Variants in ADAMTSL1 observed in about 807,000 individuals in gnomAD.
ADAMTSL1 encodes ADAMTS-like protein 1.
A neutral mutation model predicts 201.8 loss-of-function variants in ADAMTSL1; 126 were observed. The ratio of observed to expected loss-of-function variants is 0.62; its 90% CI spans 0.54 to 0.72. The LOEUF (loss-of-function observed/expected upper bound fraction) is 0.72. Among genes scored for constraint, ADAMTSL1 ranks in the 30% least tolerant of loss-of-function variants. ADAMTSL1 has a pLI of 0.00. For synonymous variants in ADAMTSL1, 1,121 were observed against 903.4 expected (o/e 1.24, Z -4.32); for missense variants, 2,679 against 2,277.8 (o/e 1.18, Z -3.59).
intron 2 of ADAMTSL1, among the ~76,000 whole-genome samples, chr9:18,325,383 T>C (rs1440752535): frequency 6.6e-6 from 1 of 152,256 alleles, no homozygotes; most frequent in Admixed American, 6.5e-5. Flanking sequence ...TGTGATGTAT[T>C]CATACCACAC....
At chr9:18,733,426 G>A (rs1818324431) in intron 15 of ADAMTSL1, among the ~76,000 whole-genome samples, 1 of 152,132 alleles carries the variant, frequency 6.6e-6, no homozygotes, top group African/African-American at 2.4e-5. Context: ...GTCTAATAGA[G>A]CTAAAGTGAA....
intron 7 of ADAMTSL1, among the ~76,000 whole-genome samples, chr9:18,646,724 A>T (rs1325133893): frequency 1.3e-5 from 2 of 152,190 alleles, no homozygotes; most frequent in Non-Finnish European, 2.9e-5. Flanking sequence ...CCAGCCTTGC[A>T]TCCCAAGGAT....
At chr9:17,987,547 GTGTT>G (rs1260923515) in intron 1 of ADAMTSL1, among the ~76,000 whole-genome samples, 7 of 151,824 alleles carry the variant, frequency 4.6e-5, no homozygotes, top group African/African-American at 1.7e-4. Flanking sequence ...TAGTCTTAGT[GTGTT>G]TGTAATAGTT....
chr9:18,184,340 G>C (rs1334740915), intron 2 of ADAMTSL1, among the ~76,000 whole-genome samples: 1 of 152,144 alleles, frequency 6.6e-6, no homozygotes, highest in East Asian at 1.9e-4. Context: ...GTTCCAGACT[G>C]GTGGCTGCAG....
chr9:18,675,895 A>G lies in ADAMTSL1; in HGVS notation c.1124A>G (p.His375Arg), dbSNP rs1224869085. 3.7e-6 allele frequency: 6 copies of G among 1,613,184 alleles called. No individual in the cohort carries two copies. Among genetic ancestry groups the G allele is most frequent in the African/African-American group, 1.3e-5 (1 of 75,006 alleles). ...CAGATCATGCCTTATGACCTCTACC[A>G]TCCCCTTCCTCGGTACGTAAATCAA... ...YKQIMPYDLYHPLPRWEATPW... is the reference protein window; with the variant it reads ...YKQIMPYDLYRPLPRWEATPW... Residue 375 changes from histidine to arginine, a missense_variant, in exon 10 of 29, where the codon CAT (histidine) becomes CGT (arginine). Transcript: ENST00000380548.
At chr9:18,003,762 C>T (rs1051505286) in intron 1 of ADAMTSL1, among the ~76,000 whole-genome samples, 2 of 152,034 alleles carry the variant, frequency 1.3e-5, no homozygotes, top group Non-Finnish European at 2.9e-5. Flanking sequence ...TTCTTCATAG[C>T]AGGATTAGGA....
intron 5 of ADAMTSL1, among the ~76,000 whole-genome samples, chr9:18,623,921 T>C (rs1011374131): frequency 6.6e-6 from 1 of 152,172 alleles, no homozygotes; most frequent in Non-Finnish European, 1.5e-5. Flanking sequence ...AGGAAAACAA[T>C]TGACATATGG....
At chr9:18,699,235 C>T (rs995543101) in intron 13 of ADAMTSL1, among the ~76,000 whole-genome samples, 5 of 151,864 alleles carry the variant, frequency 3.3e-5, no homozygotes, top group African/African-American at 4.8e-5. Context: ...CCCAAAAGAG[C>T]GTCATTGTCA....
intron 1 of ADAMTSL1, among the ~76,000 whole-genome samples, chr9:18,018,596 G>C (rs576650008): frequency 1.3e-5 from 2 of 151,984 alleles, no homozygotes; most frequent in African/African-American, 4.8e-5. Context: ...AGAGATGCCC[G>C]TGTATTAAGA....
At chr9:17,975,452 G>C (rs1283453977) in intron 1 of ADAMTSL1, among the ~76,000 whole-genome samples, 1 of 151,974 alleles carries the variant, frequency 6.6e-6, no homozygotes, top group Non-Finnish European at 1.5e-5. Context: ...TCGCGTAGTA[G>C]CAAGGTAAAG....
chr9:18,614,628 A>G (rs1300821433), intron 4 of ADAMTSL1, among the ~76,000 whole-genome samples: 1 of 151,928 alleles, frequency 6.6e-6, no homozygotes, highest in African/African-American at 2.4e-5. Context: ...AGTTATACTG[A>G]TCTTACTCCC....
intron 2 of ADAMTSL1, among the ~76,000 whole-genome samples, chr9:18,187,513 C>T (rs78010249): frequency 0.013 from 2,039 of 151,822 alleles, 66 homozygotes; most frequent in African/African-American, 0.047. Context: ...ATAATGTGGT[C>T]CCTGTTTTGG....
chr9:18,901,148 T>TA (rs1554661484), intron 26 of ADAMTSL1, among the ~76,000 whole-genome samples: 18,901 of 143,172 alleles, frequency 0.13, 1,301 homozygotes, highest in Middle Eastern at 0.23. Context: ...TTTCTTTATT[T>TA]AAAAAAAAAA....
intron 1 of ADAMTSL1, among the ~76,000 whole-genome samples, chr9:17,923,637 C>T (rs1367924387): frequency 3.7e-5 from 4 of 107,970 alleles, no homozygotes; most frequent in Non-Finnish European, 7.4e-5. Flanking sequence ...GCCTAATTGC[C>T]CTGGCCAGAA....
intron 23 of ADAMTSL1, among the ~76,000 whole-genome samples, chr9:18,837,337 C>A (rs1376239648): frequency 2.0e-5 from 3 of 152,236 alleles, no homozygotes; most frequent in Admixed American, 2.0e-4. Context: ...TTATCCACTA[C>A]AATTTGCTGA....
chr9:18,301,243 C>A (rs944924010), intron 2 of ADAMTSL1, among the ~76,000 whole-genome samples: 1 of 152,054 alleles, frequency 6.6e-6, no homozygotes, highest in Non-Finnish European at 1.5e-5. Flanking sequence ...GGTATAAAAA[C>A]AATGCGTCTT....
chr9:18,654,788 G>A (rs1828518222), intron 7 of ADAMTSL1, among the ~76,000 whole-genome samples: 3 of 152,196 alleles, frequency 2.0e-5, no homozygotes, highest in Admixed American at 2.0e-4. Flanking sequence ...AGATTTACCA[G>A]TTTTCCATGT....
chr9:17,927,221 G>A (rs1025657882), intron 1 of ADAMTSL1, among the ~76,000 whole-genome samples: 14 of 152,142 alleles, frequency 9.2e-5, no homozygotes, highest in East Asian at 3.9e-4. Context: ...TATCCATATC[G>A]TAGCATATAT....
chr9:17,991,031 T>C (rs752938958), intron 1 of ADAMTSL1, among the ~76,000 whole-genome samples: 2 of 152,054 alleles, frequency 1.3e-5, no homozygotes, highest in Non-Finnish European at 2.9e-5. Flanking sequence ...CGTAGCTTCA[T>C]GAAACTTTTT....
Sources: allele counts gnomAD v4.1 joint callset (sites outside exome capture counted in the v4.1 genomes callset), GRCh38; gene constraint gnomAD v4.1.1; transcripts MANE v1.5; gene names NCBI Gene and HGNC (gene_info 2026-07-23, HGNC 2026-07-21).